Variants in RGS17 observed in about 807,000 individuals in gnomAD.
RGS17 encodes the protein regulator of G-protein signaling 17.
In RGS17, 12 loss-of-function variants were observed where a neutral mutation model predicts 25.5. The ratio of observed to expected loss-of-function variants is 0.47; its 90% CI spans 0.30 to 0.76. The LOEUF is 0.76. RGS17 is among the 30% of genes least tolerant of loss of function. RGS17 has a pLI of 0.07. For synonymous variants in RGS17, 71 were observed against 76.9 expected (o/e 0.92, Z 0.40); for missense variants, 196 against 242.2 (o/e 0.81, Z 1.27).
intron 1 of RGS17, among the ~76,000 whole-genome samples, chr6:153,101,551 G>C (rs1219658894): frequency 6.6e-6 from 1 of 152,162 alleles, no homozygotes; most frequent in Non-Finnish European, 1.5e-5. Flanking sequence ...TGGTAGGGTT[G>C]GCCTTAGCAG....
At chr6:153,129,442 G>A (rs1327119739) in intron 1 of RGS17, among the ~76,000 whole-genome samples, 1 of 152,206 alleles carries the variant, frequency 6.6e-6, no homozygotes, top group Non-Finnish European at 1.5e-5. Context: ...TACTTTAAAT[G>A]TTTCACGGTT....
intron 1 of RGS17, among the ~76,000 whole-genome samples, chr6:153,081,810 T>G (rs1776987526): frequency 6.6e-6 from 1 of 152,234 alleles, no homozygotes; most frequent in African/African-American, 2.4e-5. Flanking sequence ...AAGTATTTCA[T>G]GTTTACCCAC....
intron 1 of RGS17, among the ~76,000 whole-genome samples, chr6:153,129,115 C>A (rs1025942760): frequency 1.3e-5 from 2 of 152,126 alleles, no homozygotes; most frequent in South Asian, 4.1e-4. Context: ...TAAGTAATAC[C>A]ACTCAATCTT....
intron 1 of RGS17, among the ~76,000 whole-genome samples, chr6:153,073,589 G>A (rs546478548): frequency 2.0e-4 from 30 of 152,274 alleles, no homozygotes; most frequent in African/African-American, 7.2e-4. Context: ...CCCTTCTGAG[G>A]CATGCAGGCA....
chr6:153,116,469 T>C (rs964227957), intron 1 of RGS17, among the ~76,000 whole-genome samples: 48 of 152,170 alleles, frequency 3.2e-4, no homozygotes, highest in Non-Finnish European at 6.0e-4. Context: ...TTTTACACTG[T>C]TGGTGGGAGT....
chr6:153,024,568 G>A (rs1779280100), intron 3 of RGS17, 72 bp from the exon 4 acceptor site: 5 of 1,112,570 alleles, frequency 4.5e-6, no homozygotes, highest in Non-Finnish European at 6.7e-6. Context: ...GGTAAGGAGA[G>A]GAGCAGATAG....
intron 2 of RGS17, among the ~76,000 whole-genome samples, chr6:153,026,885 T>C (rs1779308727): frequency 6.6e-6 from 1 of 152,116 alleles, no homozygotes. Flanking sequence ...CACACACACA[T>C]ATGATTACCT....
intron 1 of RGS17, among the ~76,000 whole-genome samples, chr6:153,123,184 G>T (rs545998382): frequency 8.6e-4 from 130 of 150,682 alleles, no homozygotes; most frequent in African/African-American, 2.7e-3. Context: ...GTTTTCCTTT[G>T]CTTTTATCTA....
At chr6:153,115,278 A>G (rs1201708064) in intron 1 of RGS17, among the ~76,000 whole-genome samples, 3 of 152,198 alleles carry the variant, frequency 2.0e-5, no homozygotes, top group Admixed American at 6.5e-5. Flanking sequence ...ACATTCCTAT[A>G]CACCAATAAT....
intron 1 of RGS17, among the ~76,000 whole-genome samples, chr6:153,083,973 G>T (rs549238411): frequency 9.8e-5 from 15 of 152,312 alleles, no homozygotes; most frequent in Admixed American, 2.0e-4. Context: ...AATATTTGCA[G>T]TATTGATGCA....
chr6:153,090,275 T>C (rs12662761), intron 1 of RGS17, among the ~76,000 whole-genome samples: 4,881 of 152,036 alleles, frequency 0.032, 376 homozygotes, highest in South Asian at 0.26. Context: ...TGGCTTTCTG[T>C]GGTTTTAGTT....
intron 2 of RGS17, among the ~76,000 whole-genome samples, chr6:153,028,528 G>T (rs914188955): frequency 9.8e-5 from 15 of 152,304 alleles, no homozygotes; most frequent in African/African-American, 3.4e-4. Flanking sequence ...GTATTTTAGA[G>T]GAGATTCATG....
chr6:153,105,830 A>G (rs1777371954), intron 1 of RGS17, among the ~76,000 whole-genome samples: 1 of 152,200 alleles, frequency 6.6e-6, no homozygotes, highest in South Asian at 2.1e-4. Context: ...TCAGGGGAGG[A>G]GCCATGCAAA....
At chr6:153,068,651 C>T (rs1776742191) in intron 1 of RGS17, among the ~76,000 whole-genome samples, 1 of 152,158 alleles carries the variant, frequency 6.6e-6, no homozygotes, top group Non-Finnish European at 1.5e-5. Flanking sequence ...AAACAATCAA[C>T]ATAGTGAAAC....
intron 1 of RGS17, among the ~76,000 whole-genome samples, chr6:153,050,233 T>C (rs963430282): frequency 6.6e-6 from 1 of 152,108 alleles, no homozygotes; most frequent in Non-Finnish European, 1.5e-5. Context: ...TTTCTTACTA[T>C]AAGATCAAGC....
At chr6:153,079,476 G>A (rs1206342646) in intron 1 of RGS17, among the ~76,000 whole-genome samples, 1 of 152,126 alleles carries the variant, frequency 6.6e-6, no homozygotes, top group African/African-American at 2.4e-5. Flanking sequence ...AACAGATTGT[G>A]GGAATTCTAT....
At chr6:153,065,291 C>T (rs1776691911) in intron 1 of RGS17, among the ~76,000 whole-genome samples, 1 of 152,022 alleles carries the variant, frequency 6.6e-6, no homozygotes, top group Non-Finnish European at 1.5e-5. Context: ...ATAAATAAAA[C>T]AACCAGATAT....
chr6:153,043,086 C>T (rs1026123221), intron 2 of RGS17, among the ~76,000 whole-genome samples: 6 of 152,194 alleles, frequency 3.9e-5, no homozygotes, highest in African/African-American at 1.2e-4. Flanking sequence ...AGGCACTTTA[C>T]GAATCCGGAA....
At position 153,020,108 on chromosome 6, in the gene RGS17, AAAAATATATATATAT is replaced by A. The variant is rs1562312937; in HGVS notation, c.444+4139_444+4153del. 7.3e-3 allele frequency among the ~76,000 whole-genome samples: 201 copies of A among 27,608 alleles called. 4 individuals carry two copies. Among genetic ancestry groups the A allele is most frequent in the African/African-American group, 0.023 (192 of 8,280 alleles). 18.1% of individuals were successfully genotyped at this position (27,608 alleles called of 152,430 possible). ...CCTAATTGCAAATATCTTAAAAAAA[AAAAATATATATATAT>A]ATATATATATATATATTTTTTTTTT... On this transcript the variant is annotated intron_variant, in intron 4 of 4. Transcript: ENST00000206262.
Sources: gnomAD v4.1 joint callset for allele counts (sites outside exome capture counted in the v4.1 genomes callset) on GRCh38, gnomAD v4.1.1 for gene constraint, MANE v1.5 for transcripts, NCBI Gene and HGNC (gene_info 2026-07-23, HGNC 2026-07-21) for gene names.